NPAS3: variants seen among roughly 807,000 people sequenced by gnomAD.
NPAS3 encodes the protein neuronal PAS domain protein 3, also known as neuronal PAS domain-containing protein 3.
NPAS3 carries 14 observed loss-of-function variants against 73.1 expected under a neutral mutation model. That is an observed-to-expected ratio of 0.19 (90% CI 0.13 to 0.30). The LOEUF is 0.30. Ranked by LOEUF, NPAS3 falls within the 10% of genes least tolerant of loss-of-function variation. The pLI is 1.00. For missense variants in NPAS3, 1,096 were observed against 1,250.0 expected (o/e 0.88, Z 1.86); for synonymous variants, 620 against 541.5 (o/e 1.14, Z -2.01).
intron 3 of NPAS3, among the ~76,000 whole-genome samples, chr14:33,307,071 A>T (rs955833276): frequency 6.6e-6 from 1 of 151,998 alleles, no homozygotes; most frequent in African/African-American, 2.4e-5. Flanking sequence ...AGGCTTTTTG[A>T]GGTGTAACTC....
intron 2 of NPAS3, among the ~76,000 whole-genome samples, chr14:33,074,394 G>T (rs1362567356): frequency 5.3e-5 from 8 of 152,112 alleles, no homozygotes; most frequent in Non-Finnish European, 8.8e-5. Context: ...GCATGTTGTG[G>T]GTGATGGTGC....
At chr14:33,394,477 A>G (rs982664753) in intron 4 of NPAS3, among the ~76,000 whole-genome samples, 5 of 152,192 alleles carry the variant, frequency 3.3e-5, no homozygotes, top group East Asian at 1.9e-4. Flanking sequence ...ATCTTATTCT[A>G]TAATCCCCAA....
intron 2 of NPAS3, among the ~76,000 whole-genome samples, chr14:33,090,800 C>G (rs1008478782): frequency 2.0e-5 from 3 of 152,216 alleles, no homozygotes; most frequent in Non-Finnish European, 4.4e-5. Flanking sequence ...CAAACTCTCT[C>G]AGACCACTGT....
At chr14:33,777,850 G>C (rs1242770038) in intron 8 of NPAS3, among the ~76,000 whole-genome samples, 1 of 152,152 alleles carries the variant, frequency 6.6e-6, no homozygotes, top group Non-Finnish European at 1.5e-5. Flanking sequence ...AAAAGTTTTT[G>C]TGTGGAATCC....
rs552783317 is a variant in NPAS3, at chr14:33,207,231, C to T, written c.141-7951C>T. Among the ~76,000 whole-genome samples, 17 of 142,882 alleles carry T rather than the reference C, an allele frequency of 1.2e-4. No homozygotes were observed. The South Asian group carries it at 3.9e-3, about 32-fold the overall frequency. 93.7% of individuals were successfully genotyped at this position (142,882 alleles called of 152,430 possible). On this transcript the variant is annotated intron_variant, in intron 2 of 11. Coordinates refer to ENST00000356141, the Ensembl canonical transcript of NPAS3. The stretch of plus-strand genomic sequence containing the variant: ...TCCAGGAAGTTCTCAGCTCAAAGAA[C>T]ATTACACACACACACACACACACAC...
chr14:33,735,457 T>A (rs2061499555), intron 7 of NPAS3, 125 bp downstream of exon 7: 1 of 698,934 alleles, frequency 1.4e-6, no homozygotes, highest in Non-Finnish European at 2.6e-6. Context: ...CCCATAGGAT[T>A]CCCAGTCATC....
At chr14:33,077,064 C>CG (rs1373746210) in intron 2 of NPAS3, among the ~76,000 whole-genome samples, 1 of 152,100 alleles carries the variant, frequency 6.6e-6, no homozygotes, top group Non-Finnish European at 1.5e-5. Context: ...GTGGGTGAAA[C>CG]GGGCAAAGGT....
chr14:33,263,893 AC>A (rs2049069276), intron 3 of NPAS3, among the ~76,000 whole-genome samples: 2 of 152,066 alleles, frequency 1.3e-5, no homozygotes, highest in Admixed American at 1.3e-4. Flanking sequence ...ATTGCAAATG[AC>A]CATTTGACCC....
intron 4 of NPAS3, among the ~76,000 whole-genome samples, chr14:33,373,554 A>C (rs2046189069): frequency 6.6e-6 from 1 of 152,144 alleles, no homozygotes; most frequent in Non-Finnish European, 1.5e-5. Flanking sequence ...ATAAGTACCA[A>C]CATGTTTGTA....
intron 3 of NPAS3, among the ~76,000 whole-genome samples, chr14:33,244,086 G>T (rs1453650360): frequency 6.6e-6 from 1 of 151,220 alleles, no homozygotes; most frequent in Non-Finnish European, 1.5e-5. Context: ...TTTTGCACTA[G>T]GCCTACTATT....
At chr14:33,427,679 A>T (rs1482030328) in intron 4 of NPAS3, among the ~76,000 whole-genome samples, 1 of 152,024 alleles carries the variant, frequency 6.6e-6, no homozygotes, top group Non-Finnish European at 1.5e-5. Context: ...TGTCAATAAA[A>T]TTGTTGGAAT....
intron 2 of NPAS3, among the ~76,000 whole-genome samples, chr14:33,110,929 G>T (rs959654399): frequency 6.6e-6 from 1 of 152,162 alleles, no homozygotes; most frequent in African/African-American, 2.4e-5. Context: ...ACTACCCACA[G>T]GACTGCCTGA....
At chr14:33,457,008 T>C (rs1253828444) in intron 4 of NPAS3, among the ~76,000 whole-genome samples, 1 of 152,106 alleles carries the variant, frequency 6.6e-6, no homozygotes, top group South Asian at 2.1e-4. Flanking sequence ...CACAAAAGCG[T>C]TTTATACCAT....
At chr14:33,778,635 G>A in intron 9 of NPAS3, 63 bp downstream of exon 9, 1 of 1,087,584 alleles carries the variant, frequency 9.2e-7, no homozygotes. Flanking sequence ...AGGCTTGTTT[G>A]GTTTCAGTGC....
At chr14:33,027,137 G>A (rs571415516) in intron 1 of NPAS3, among the ~76,000 whole-genome samples, 196 of 152,258 alleles carry the variant, frequency 1.3e-3, no homozygotes, top group Non-Finnish European at 2.3e-3. Context: ...CTCTAGCCTG[G>A]ACCACCAGCG....
At chr14:33,331,421 G>A (rs2043979528) in intron 3 of NPAS3, among the ~76,000 whole-genome samples, 1 of 152,128 alleles carries the variant, frequency 6.6e-6, no homozygotes. Flanking sequence ...TCATTACCAT[G>A]AAAATAATAT....
At chr14:33,152,871 T>C (rs1162097195) in intron 2 of NPAS3, among the ~76,000 whole-genome samples, 1 of 152,154 alleles carries the variant, frequency 6.6e-6, no homozygotes, top group Non-Finnish European at 1.5e-5. Context: ...CTGGAAAATG[T>C]TAAGTAACTT....
chr14:33,326,291 T>C (rs746776815), intron 3 of NPAS3, among the ~76,000 whole-genome samples: 1 of 152,196 alleles, frequency 6.6e-6, no homozygotes, highest in African/African-American at 2.4e-5. Context: ...TTAACAATTA[T>C]GGCTTCAGAA....
chr14:33,735,346 G>A lies in NPAS3; in HGVS notation c.852+14G>A, dbSNP rs756938009. On this transcript the variant is annotated intron_variant, in intron 7 of 11. Transcript: ENST00000356141. ...TCAGGATATAAGGTAAGCCGGTTCC[G>A]GGAGGGGAGACATTGCTGTCTCAGG... 1.0e-5 allele frequency: 16 copies of A among 1,574,298 alleles called. No homozygotes were observed. Among genetic ancestry groups the A allele is most frequent in the South Asian group, 3.3e-5 (3 of 90,328 alleles).
Sources: allele counts gnomAD v4.1 joint callset (sites outside exome capture counted in the v4.1 genomes callset), GRCh38; gene constraint gnomAD v4.1.1; transcripts MANE v1.5; gene names NCBI Gene and HGNC (gene_info 2026-07-23, HGNC 2026-07-21).